ABCA9: variants seen among roughly 807,000 people sequenced by gnomAD.
ABCA9 encodes the protein ATP binding cassette subfamily A member 9, also known as ATP-binding cassette sub-family A member 9.
Under a neutral mutation model 205.3 loss-of-function variants are expected in ABCA9, and 183 were observed. That is an observed-to-expected ratio of 0.89 (90% CI 0.79 to 1.01). ABCA9 has a LOEUF of 1.01. Among genes scored for constraint, ABCA9 ranks in the 50% least tolerant of loss-of-function variants. The probability of loss-of-function intolerance (pLI) is 0.00; values close to 1 mark genes in which losing one functional copy is unlikely to be tolerated. For missense variants in ABCA9, 1,805 were observed against 1,912.4 expected (o/e 0.94, Z 1.05); for synonymous variants, 651 against 683.3 (o/e 0.95, Z 0.74).
At chr17:69,072,646 A>C in the ABCA9 span, among the ~76,000 whole-genome samples, 1 of 152,096 alleles carries the variant, frequency 6.6e-6, no homozygotes, top group Non-Finnish European at 1.5e-5. Flanking sequence ...AAAAAAAAAA[A>C]ACAAAATGTA....
At chr17:69,038,480 C>T (rs1273307068) in intron 6 of ABCA9, among the ~76,000 whole-genome samples, 2 of 152,150 alleles carry the variant, frequency 1.3e-5, no homozygotes, top group African/African-American at 4.8e-5. Context: ...ATGATTATCT[C>T]AAGAGATGCA....
intron 1 of ABCA9, among the ~76,000 whole-genome samples, chr17:69,053,690 G>A (rs1305096450): frequency 2.0e-5 from 3 of 152,028 alleles, no homozygotes; most frequent in African/African-American, 4.8e-5. Flanking sequence ...TAAGAACTAT[G>A]GGACAATTGA....
chr17:68,986,236 A>C lies in ABCA9; in HGVS notation c.4136T>G (p.Val1379Gly), dbSNP rs1201084573. The C allele has an allele frequency of 7.4e-6, 12 of 1,613,830 alleles. No individual in the cohort carries two copies. Among genetic ancestry groups the C allele is most frequent in the Non-Finnish European group, 1.0e-5 (12 of 1,179,922 alleles). ...AGCGTACACCTCCAGGTGCTGCCTC[A>C]CTGTCAGGTTGGGCCACAGCGCATT... Reference protein sequence around the residue: ...QENALWPNLTVRQHLEVYAAV... With the variant: ...QENALWPNLTGRQHLEVYAAV... The change falls in exon 32 of 39, where the codon GTG becomes GGG. Residue 1379 changes from valine (V) to glycine (G), a missense_variant. Transcript: ENST00000340001.
chr17:69,054,249 C>T (rs1367324681), intron 1 of ABCA9, among the ~76,000 whole-genome samples: 1 of 152,094 alleles, frequency 6.6e-6, no homozygotes, highest in Admixed American at 6.5e-5. Flanking sequence ...AGCCTGGACA[C>T]AGTGGCTCAT....
chr17:69,020,403 T>C lies in ABCA9; in HGVS notation c.2585A>G (p.Lys862Arg), dbSNP rs376418483. 1.1e-4 allele frequency: 179 copies of C among 1,613,052 alleles called. 1 individual carries two copies. The highest frequency in any genetic ancestry group is 4.9e-4 in the Middle Eastern group (3 of 6,074). The change falls in exon 19 of 39, where the codon AAA becomes AGA. Residue 862 changes from lysine (K) to arginine (R), a missense_variant. By Grantham distance (26) the Lys-to-Arg change is conservative (BLOSUM62 2). Transcript: ENST00000340001. Reference protein sequence around the residue: ...VRFLKLKKERKSLWTILLLFG... With the variant: ...VRFLKLKKERRSLWTILLLFG... ...AGATACTCACATAGTCCACAGGCTT[T>C]TTCTTTCTTTCTTTAACTTTAGGAA...
the ABCA9 span, among the ~76,000 whole-genome samples, chr17:69,071,171 A>C: frequency 6.6e-6 from 1 of 152,238 alleles, no homozygotes; most frequent in Non-Finnish European, 1.5e-5. Flanking sequence ...CAGCTTCAGC[A>C]GACTTAAACG....
chr17:68,996,526 G>A (rs906959734), intron 25 of ABCA9, among the ~76,000 whole-genome samples: 1 of 152,166 alleles, frequency 6.6e-6, no homozygotes, highest in Admixed American at 6.5e-5. Flanking sequence ...TGGAAGGAGA[G>A]ATTCTGAAAA....
the ABCA9 span, among the ~76,000 whole-genome samples, chr17:69,069,045 T>C: frequency 6.6e-6 from 1 of 152,192 alleles, no homozygotes. Context: ...TAATTAAAAA[T>C]CAATAAAATT....
chr17:68,989,724 G>A lies in ABCA9; in HGVS notation c.3955+89C>T, dbSNP rs907427615. On this transcript the variant is annotated intron_variant, in intron 30 of 38. Coordinates refer to ENST00000340001, the MANE Select transcript of ABCA9 (RefSeq NM_080283.4). ...GCTTAGCCTGCTGCGTTTGTCAATAGATGTCCCCAGATTCAGATACTCTTA... is the reference window on the plus strand; with the variant it reads ...GCTTAGCCTGCTGCGTTTGTCAATAAATGTCCCCAGATTCAGATACTCTTA... The A allele has an allele frequency of 5.0e-6, 4 of 796,214 alleles. No homozygotes were observed. In the Admixed American group the frequency reaches 7.4e-5, roughly 15 times the overall value. 49.3% of individuals were successfully genotyped at this position (796,214 alleles called of 1,614,324 possible). A position where few individuals can be genotyped will look rare whatever the true frequency, so the allele number is the denominator to read the frequency against.
chr17:69,069,434 C>T, the ABCA9 span, among the ~76,000 whole-genome samples: 1 of 152,064 alleles, frequency 6.6e-6, no homozygotes, highest in Non-Finnish European at 1.5e-5. Context: ...CTGTGGGCCT[C>T]AAGGATCCAT....
At chr17:69,026,351 C>T (rs1413191730) in intron 16 of ABCA9, 26 bp downstream of exon 16, 1 of 1,586,752 alleles carries the variant, frequency 6.3e-7, no homozygotes, top group African/African-American at 1.3e-5. Context: ...CATCTGTCAA[C>T]ACGTCTCCAA....
At chr17:69,000,810 T>A (rs1235909731) in intron 25 of ABCA9, among the ~76,000 whole-genome samples, 1 of 132,348 alleles carries the variant, frequency 7.6e-6, no homozygotes, top group African/African-American at 4.3e-5. Flanking sequence ...GAGCAGTGGT[T>A]TGTAGTTCTC....
chr17:69,033,693 A>G, intron 9 of ABCA9, 33 bp downstream of exon 9: 1 of 1,541,460 alleles, frequency 6.5e-7, no homozygotes, highest in South Asian at 1.2e-5. Context: ...AATTATTGAA[A>G]TTGTGTTAAA....
Position 68,981,835 on chromosome 17 carries a change from CA to C in ABCA9, c.4720+726del, listed in dbSNP as rs398041827. ...CTGGCGACAAAGGAAAACTCTTTCT[CA>C]AAAAAAAAAAAAAAAAAAAAAAAAG... On this transcript the variant is annotated intron_variant, in intron 37 of 38. Transcript: ENST00000340001. Among the ~76,000 whole-genome samples the C allele has an allele frequency of 6.3e-3, 323 of 51,638 alleles. 1 individual carries two copies. The highest frequency in any genetic ancestry group is 0.023 in the African/African-American group (256 of 11,188). The allele number at this position is 51,638 out of a possible 152,430, so 33.9% of individuals were successfully genotyped here.
At chr17:69,035,541 C>T (rs994547060) in intron 7 of ABCA9, 110 bp from the exon 8 acceptor site, 32 of 1,436,588 alleles carry the variant, frequency 2.2e-5, no homozygotes, top group Middle Eastern at 2.3e-4. Flanking sequence ...CCCCTAGACA[C>T]TGTTTCATGC....
rs114056748 is a variant in ABCA9 at position 69,018,155 on chromosome 17, A to T, written c.2767+258T>A. 1.5e-3 allele frequency: 597 copies of T among 396,402 alleles called. 7 individuals carry two copies. The highest frequency in any genetic ancestry group is 0.011 in the African/African-American group (533 of 48,080). The allele number at this position is 396,402 out of a possible 1,614,324, so 24.6% of individuals were successfully genotyped here. On this transcript the variant is annotated intron_variant, in intron 20 of 38. Transcript: ENST00000340001. ...ATGATACACAAAGACCTCAGAGGTGAGTCAATGATTTACCTCCCTACCTCC... is the reference window on the plus strand; with the variant it reads ...ATGATACACAAAGACCTCAGAGGTGTGTCAATGATTTACCTCCCTACCTCC...
chr17:69,031,605 G>A (rs1193339877), intron 10 of ABCA9, among the ~76,000 whole-genome samples: 1 of 152,190 alleles, frequency 6.6e-6, no homozygotes, highest in Non-Finnish European at 1.5e-5. Context: ...AGATAGGCAT[G>A]AAACTAACAG....
chr17:69,063,333 A>G (rs1164870197), upstream of ABCA9, among the ~76,000 whole-genome samples: 1 of 152,104 alleles, frequency 6.6e-6, no homozygotes, highest in African/African-American at 2.4e-5. Flanking sequence ...TTCTTCTTGG[A>G]ATCTTTGCTG....
intron 32 of ABCA9, among the ~76,000 whole-genome samples, chr17:68,985,350 AC>A (rs2069196353): frequency 6.6e-6 from 1 of 152,244 alleles, no homozygotes; most frequent in South Asian, 2.1e-4. Context: ...TGGACCGGGC[AC>A]AGTGGCTCAT....
Sources: gnomAD v4.1 joint callset for allele counts (sites outside exome capture counted in the v4.1 genomes callset) on GRCh38, gnomAD v4.1.1 for gene constraint, MANE v1.5 for transcripts, NCBI Gene and HGNC (gene_info 2026-07-23, HGNC 2026-07-21) for gene names.